Variants in ARAP2 observed in about 807,000 individuals in gnomAD.
ARAP2 encodes the protein ArfGAP with RhoGAP domain, ankyrin repeat and PH domain 2, also known as arf-GAP with Rho-GAP domain, ANK repeat and PH domain-containing protein 2.
In ARAP2, 148 loss-of-function variants were observed where a neutral mutation model predicts 194.5. That is an observed-to-expected ratio of 0.76 (90% CI 0.67 to 0.87). ARAP2 has a LOEUF of 0.87. ARAP2 is among the 40% of genes least tolerant of loss of function. The pLI, the probability that ARAP2 is intolerant of heterozygous loss-of-function variation, is 0.00. For missense variants in ARAP2, 2,128 were observed against 1,989.7 expected (o/e 1.07, Z -1.32); for synonymous variants, 695 against 683.5 (o/e 1.02, Z -0.26).
chr4:36,145,310 A>G (rs1031150340), intron 19 of ARAP2, among the ~76,000 whole-genome samples: 1 of 152,038 alleles, frequency 6.6e-6, no homozygotes, highest in Non-Finnish European at 1.5e-5. Context: ...GGGCTAAGGA[A>G]AATGTCGTCA....
chr4:36,085,565 G>A (rs1212650705), intron 28 of ARAP2, among the ~76,000 whole-genome samples: 1 of 151,880 alleles, frequency 6.6e-6, no homozygotes, highest in African/African-American at 2.4e-5. Context: ...TTTTATACAA[G>A]GATTATAATA....
chr4:36,144,810 C>A (rs1729237304), intron 19 of ARAP2, among the ~76,000 whole-genome samples: 1 of 151,848 alleles, frequency 6.6e-6, no homozygotes. Context: ...ACAGATTTTT[C>A]TTTTGCCTCT....
At chr4:36,077,446 GCTCCTAAACTT>G (rs1728504309) in intron 31 of ARAP2, among the ~76,000 whole-genome samples, 4 of 151,918 alleles carry the variant, frequency 2.6e-5, no homozygotes, top group African/African-American at 9.7e-5. Flanking sequence ...TAAACCTCCT[GCTCCTAAACTT>G]CTCGTGTGTG....
chr4:36,034,731 G>A (rs543843973), intron 5 of ARAP2, among the ~76,000 whole-genome samples: 2 of 152,202 alleles, frequency 1.3e-5, no homozygotes, highest in East Asian at 3.9e-4. Context: ...CTGTGCAAGT[G>A]TCATAGATCA....
chr4:36,029,113 A>G (rs1718475442), intron 5 of ARAP2, among the ~76,000 whole-genome samples: 1 of 152,038 alleles, frequency 6.6e-6, no homozygotes, highest in Admixed American at 6.5e-5. Flanking sequence ...AAACATCACA[A>G]TAAAATCTAC....
chr4:36,212,565 T>C (rs1326177187), intron 4 of ARAP2, 78 bp from the exon 5 acceptor site: 2 of 899,834 alleles, frequency 2.2e-6, no homozygotes, highest in Non-Finnish European at 3.5e-6. Flanking sequence ...TGTGTAGCAA[T>C]ATTCTACAAA....
intron 2 of ARAP2, among the ~76,000 whole-genome samples, chr4:36,054,369 A>G (rs1357904846): frequency 6.6e-6 from 1 of 152,230 alleles, no homozygotes; most frequent in Non-Finnish European, 1.5e-5. Flanking sequence ...AAAAATAGCA[A>G]CTAATTTTTC....
chr4:36,210,090 AG>A (rs1406139545), intron 6 of ARAP2, among the ~76,000 whole-genome samples: 1 of 152,204 alleles, frequency 6.6e-6, no homozygotes, highest in African/African-American at 2.4e-5. Flanking sequence ...ACTGGGACAC[AG>A]ATTAGCACAT....
intron 5 of ARAP2, among the ~76,000 whole-genome samples, chr4:36,022,891 T>C (rs1717251218): frequency 6.6e-6 from 1 of 152,144 alleles, no homozygotes; most frequent in Admixed American, 6.5e-5. Context: ...CCTATACTAT[T>C]GGTGTCTTCA....
intron 26 of ARAP2, among the ~76,000 whole-genome samples, chr4:36,113,056 A>C (rs1255915027): frequency 6.6e-6 from 1 of 152,028 alleles, no homozygotes; most frequent in East Asian, 1.9e-4. Context: ...GAAAATCATA[A>C]AGAGAATCCA....
At chr4:36,017,564 TAAAAAAAAAA>T (rs71199694) in intron 6 of ARAP2, among the ~76,000 whole-genome samples, 2 of 42,578 alleles carry the variant, frequency 4.7e-5, no homozygotes, top group South Asian at 2.5e-3. Flanking sequence ...AAGAAAGTGG[TAAAAAAAAAA>T]AAAAAAAAAA....
At chr4:36,173,369 G>A (rs1737079457) in intron 9 of ARAP2, among the ~76,000 whole-genome samples, 1 of 151,974 alleles carries the variant, frequency 6.6e-6, no homozygotes. Context: ...AAAAAATTCT[G>A]ACTTACACAC....
intron 9 of ARAP2, among the ~76,000 whole-genome samples, chr4:36,009,349 A>T (rs1356127497): frequency 6.6e-6 from 1 of 152,172 alleles, no homozygotes; most frequent in African/African-American, 2.4e-5. Context: ...ATGGAATACT[A>T]TGCAGCGATA....
intron 9 of ARAP2, among the ~76,000 whole-genome samples, chr4:36,008,465 C>A (rs1019079183): frequency 1.3e-5 from 2 of 151,958 alleles, no homozygotes; most frequent in African/African-American, 4.8e-5. Flanking sequence ...TCAGTAAATG[C>A]TCCTGGGATA....
intron 28 of ARAP2, among the ~76,000 whole-genome samples, chr4:36,084,689 G>A (rs373506209): frequency 9.2e-5 from 14 of 152,122 alleles, no homozygotes; most frequent in East Asian, 7.7e-4. Flanking sequence ...TTAAAAATTA[G>A]TTTCATAAAG....
At chr4:36,170,919 A>G (rs1036940640) in intron 9 of ARAP2, among the ~76,000 whole-genome samples, 2 of 152,102 alleles carry the variant, frequency 1.3e-5, no homozygotes, top group South Asian at 4.2e-4. Context: ...ATGAGATAAC[A>G]GAAAAATGCA....
intron 26 of ARAP2, among the ~76,000 whole-genome samples, chr4:36,110,467 G>C (rs1478224057): frequency 6.6e-6 from 1 of 151,758 alleles, no homozygotes; most frequent in Non-Finnish European, 1.5e-5. Flanking sequence ...ATTTAAATGA[G>C]GCCCTTCAGC....
At chr4:36,137,369 T>C (rs1257888135) in intron 19 of ARAP2, among the ~76,000 whole-genome samples, 1 of 151,852 alleles carries the variant, frequency 6.6e-6, no homozygotes, top group Non-Finnish European at 1.5e-5. Flanking sequence ...ATTATAAACT[T>C]AGTACAATGA....
chr4:36,209,768 T>G (rs1251554974), intron 6 of ARAP2, among the ~76,000 whole-genome samples: 2 of 152,210 alleles, frequency 1.3e-5, no homozygotes, highest in Non-Finnish European at 2.9e-5. Flanking sequence ...CAATTCTAAT[T>G]AAATATAATC....
Sources: gnomAD v4.1 joint callset for allele counts (sites outside exome capture counted in the v4.1 genomes callset) on GRCh38, gnomAD v4.1.1 for gene constraint, MANE v1.5 for transcripts, NCBI Gene and HGNC (gene_info 2026-07-23, HGNC 2026-07-21) for gene names.